Variants in ZNF804A observed in about 807,000 individuals in gnomAD.
ZNF804A encodes zinc finger protein 804A.
ZNF804A carries 2 observed loss-of-function variants against 16.5 expected under a neutral mutation model. That is an observed-to-expected ratio of 0.12 (90% CI 0.05 to 0.38). The LOEUF is 0.38. Among genes scored for constraint, ZNF804A ranks in the 10% least tolerant of loss-of-function variants. The probability of loss-of-function intolerance (pLI) is 0.99; values close to 1 mark genes in which losing one functional copy is unlikely to be tolerated. For synonymous variants in ZNF804A, 534 were observed against 489.6 expected (o/e 1.09, Z -1.20); for missense variants, 1,473 against 1,390.7 (o/e 1.06, Z -0.94).
At chr2:184,637,045 C>T (rs1042281087) in intron 1 of ZNF804A, among the ~76,000 whole-genome samples, 1 of 152,100 alleles carries the variant, frequency 6.6e-6, no homozygotes, top group African/African-American at 2.4e-5. Flanking sequence ...TAGTGATGAT[C>T]TATGTGGTTT....
intron 1 of ZNF804A, among the ~76,000 whole-genome samples, chr2:184,773,801 T>C (rs1694251450): frequency 6.6e-6 from 1 of 151,814 alleles, no homozygotes; most frequent in Admixed American, 6.6e-5. Flanking sequence ...TCCATTGAAA[T>C]AAAAATTTTT....
intron 1 of ZNF804A, among the ~76,000 whole-genome samples, chr2:184,695,573 T>C (rs1478819802): frequency 6.6e-6 from 1 of 151,060 alleles, no homozygotes; most frequent in Non-Finnish European, 1.5e-5. Context: ...GGCATGATCA[T>C]GTTCAGCTAA....
rs570063367 is a variant in ZNF804A at position 184,722,023 on chromosome 2, G to A, written c.111+122953G>A. Among the ~76,000 whole-genome samples, 3 of 152,160 alleles carry A rather than the reference G, an allele frequency of 2.0e-5. No homozygotes were observed. In the South Asian group the frequency reaches 6.2e-4, roughly 32 times the overall value. Reference sequence around the variant, plus strand: ...TACATGTTCTTATTCATACGTGGGAGCTAAAAGAGTTGTTCTCATCGAGGT... The same window carrying A: ...TACATGTTCTTATTCATACGTGGGAACTAAAAGAGTTGTTCTCATCGAGGT... On this transcript the variant is annotated intron_variant, in intron 1 of 3. Coordinates refer to ENST00000302277, the MANE Select transcript of ZNF804A (RefSeq NM_194250.2).
intron 1 of ZNF804A, among the ~76,000 whole-genome samples, chr2:184,641,123 A>G (rs1385940616): frequency 6.6e-6 from 1 of 151,832 alleles, no homozygotes; most frequent in Non-Finnish European, 1.5e-5. Flanking sequence ...ACTGGCTAAT[A>G]TTTGTATTTT....
intron 2 of ZNF804A, among the ~76,000 whole-genome samples, chr2:184,914,074 A>G (rs941147260): frequency 6.6e-6 from 1 of 152,166 alleles, no homozygotes; most frequent in Non-Finnish European, 1.5e-5. Flanking sequence ...GTCCTGTGGG[A>G]TGCAGATCAG....
intron 1 of ZNF804A, among the ~76,000 whole-genome samples, chr2:184,817,641 A>G (rs1695003694): frequency 6.6e-6 from 1 of 152,008 alleles, no homozygotes; most frequent in Non-Finnish European, 1.5e-5. Context: ...ACCCAATGCA[A>G]GGAAACTAAG....
intron 1 of ZNF804A, among the ~76,000 whole-genome samples, chr2:184,795,312 T>G (rs894853859): frequency 6.6e-6 from 1 of 152,146 alleles, no homozygotes; most frequent in Non-Finnish European, 1.5e-5. Context: ...AATCTGCTCC[T>G]CATTAAGCAC....
chr2:184,782,348 A>C (rs1331259437), intron 1 of ZNF804A, among the ~76,000 whole-genome samples: 1 of 151,546 alleles, frequency 6.6e-6, no homozygotes. Context: ...GATTTGAGTT[A>C]GTGAGCTGGG....
intron 2 of ZNF804A, among the ~76,000 whole-genome samples, chr2:184,927,372 A>G (rs1685627727): frequency 6.6e-6 from 1 of 152,172 alleles, no homozygotes; most frequent in Admixed American, 6.5e-5. Flanking sequence ...CTCAGTTCTG[A>G]GCTGGCTGGA....
chr2:184,613,868 T>C (rs901382319), intron 1 of ZNF804A, among the ~76,000 whole-genome samples: 2 of 152,114 alleles, frequency 1.3e-5, no homozygotes, highest in African/African-American at 4.8e-5. Context: ...CCCAAAGTAA[T>C]TTATAGATTC....
intron 1 of ZNF804A, among the ~76,000 whole-genome samples, chr2:184,779,105 C>T (rs575093244): frequency 8.6e-5 from 13 of 151,636 alleles, no homozygotes; most frequent in Admixed American, 4.6e-4. Flanking sequence ...ACATTTTTCC[C>T]CTTTCTTCTG....
intron 1 of ZNF804A, among the ~76,000 whole-genome samples, chr2:184,783,497 A>T (rs1694404458): frequency 6.6e-6 from 1 of 151,934 alleles, no homozygotes. Flanking sequence ...TCTCTGTTAG[A>T]CCAGAAGGTA....
At chr2:184,712,687 T>C (rs1222879205) in intron 1 of ZNF804A, among the ~76,000 whole-genome samples, 1 of 151,784 alleles carries the variant, frequency 6.6e-6, no homozygotes, top group Non-Finnish European at 1.5e-5. Context: ...TGCCCGTAAT[T>C]CTCTTAAACT....
chr2:184,700,545 T>TA lies in ZNF804A; in HGVS notation c.111+101482dup, dbSNP rs776670637. On this transcript the variant is annotated intron_variant, in intron 1 of 3. Transcript: ENST00000302277. Reference sequence around the variant, plus strand: ...ATATATTTGACATAGGCTTAAATAATAAAAAAATGACTTATGAACTGACAT... The same window carrying TA: ...ATATATTTGACATAGGCTTAAATAATAAAAAAAATGACTTATGAACTGACAT... 3.9e-5 allele frequency among the ~76,000 whole-genome samples: 6 copies of TA among 151,906 alleles called. No homozygotes were observed. The East Asian group carries it at 9.6e-4, about 24-fold the overall frequency.
At chr2:184,742,609 T>C (rs1450871990) in intron 1 of ZNF804A, among the ~76,000 whole-genome samples, 1 of 151,920 alleles carries the variant, frequency 6.6e-6, no homozygotes, top group African/African-American at 2.4e-5. Flanking sequence ...ATTTTCACAT[T>C]GAATTTAACT....
At chr2:184,731,114 G>A (rs987117770) in intron 1 of ZNF804A, among the ~76,000 whole-genome samples, 2 of 151,446 alleles carry the variant, frequency 1.3e-5, no homozygotes, top group African/African-American at 2.4e-5. Context: ...CGGCAGGTGT[G>A]GTGGCAGGCG....
At chr2:184,684,977 C>T (rs539389416) in intron 1 of ZNF804A, among the ~76,000 whole-genome samples, 1 of 152,024 alleles carries the variant, frequency 6.6e-6, no homozygotes, top group Non-Finnish European at 1.5e-5. Context: ...TTGCTCACAC[C>T]GGCTGGGCTT....
At chr2:184,876,146 GT>G (rs1684668934) in intron 2 of ZNF804A, among the ~76,000 whole-genome samples, 1 of 152,130 alleles carries the variant, frequency 6.6e-6, no homozygotes, top group African/African-American at 2.4e-5. Context: ...TTGTTGGAAT[GT>G]TTTGTTTCTG....
At chr2:184,912,044 G>A (rs1023725331) in intron 2 of ZNF804A, among the ~76,000 whole-genome samples, 2 of 151,808 alleles carry the variant, frequency 1.3e-5, no homozygotes, top group African/African-American at 4.8e-5. Context: ...ATAATAAAGT[G>A]AACAAATCAG....
Sources: allele counts gnomAD v4.1 joint callset (sites outside exome capture counted in the v4.1 genomes callset), GRCh38; gene constraint gnomAD v4.1.1; transcripts MANE v1.5; gene names NCBI Gene and HGNC (gene_info 2026-07-23, HGNC 2026-07-21).